Variants in DNAH7 observed in about 807,000 individuals in gnomAD.
DNAH7 encodes dynein axonemal heavy chain 7.
In DNAH7, 397 loss-of-function variants were observed where a neutral mutation model predicts 444.6. The observed-to-expected ratio is 0.89, with a 90% CI of 0.82 to 0.97. The LOEUF (loss-of-function observed/expected upper bound fraction) is 0.97. Ranked by LOEUF, DNAH7 falls within the 50% of genes least tolerant of loss-of-function variation. The pLI, the probability that DNAH7 is intolerant of heterozygous loss-of-function variation, is 0.00. For synonymous variants in DNAH7, 1,636 were observed against 1,624.4 expected (o/e 1.01, Z -0.17); for missense variants, 4,902 against 4,800.8 (o/e 1.02, Z -0.62).
At chr2:195,748,108 C>T (rs1056543178) in intron 63 of DNAH7, among the ~76,000 whole-genome samples, 3 of 152,186 alleles carry the variant, frequency 2.0e-5, no homozygotes, top group African/African-American at 4.8e-5. Context: ...CCCAAAATCT[C>T]CTTAAGCTGA....
intron 47 of DNAH7, among the ~76,000 whole-genome samples, chr2:195,837,326 T>G (rs2124973418): frequency 6.6e-6 from 1 of 152,342 alleles, no homozygotes; most frequent in African/African-American, 2.4e-5. Context: ...AGGAAAGGAC[T>G]TCTGATTCTA....
intron 19 of DNAH7, among the ~76,000 whole-genome samples, chr2:195,941,287 T>A (rs1689419563): frequency 6.6e-6 from 1 of 151,632 alleles, no homozygotes; most frequent in Non-Finnish European, 1.5e-5. Flanking sequence ...AACCAAACAC[T>A]GCATGTTCTC....
intron 36 of DNAH7, among the ~76,000 whole-genome samples, chr2:195,877,845 A>G (rs1200256838): frequency 6.6e-6 from 1 of 152,248 alleles, no homozygotes; most frequent in African/African-American, 2.4e-5. Context: ...AGCACATTCT[A>G]AAATGGAAGT....
chr2:196,040,395 A>G (rs1696664483), intron 5 of DNAH7, among the ~76,000 whole-genome samples: 1 of 152,170 alleles, frequency 6.6e-6, no homozygotes, highest in Admixed American at 6.5e-5. Context: ...AGGGGGATAT[A>G]TTCTAGGAAT....
intron 61 of DNAH7, among the ~76,000 whole-genome samples, chr2:195,761,658 G>C (rs1430568909): frequency 1.3e-5 from 2 of 152,138 alleles, no homozygotes; most frequent in African/African-American, 2.4e-5. Context: ...AAACCTTACA[G>C]GCCATGAGAA....
At position 195,809,792 on chromosome 2, in the gene DNAH7, G is replaced by C. The variant is rs757797326; in HGVS notation, c.9841C>G (p.Leu3281Val). The change falls in exon 52 of 65, where the codon CTC becomes GTC. Residue 3281 changes from leucine to valine, a missense_variant. Coordinates refer to ENST00000312428, the MANE Select transcript of DNAH7 (RefSeq NM_018897.3). ...TTTATGGTTAGACAAAAGGAAAAGA[G>C]CAGCTTATCCTTTTCAAAGAGTGAC... ...CRSLFEKDKL[L>V]FSFCLTINLL... 6.9e-6 allele frequency: 11 copies of C among 1,598,582 alleles called. No individual in the cohort carries two copies. The highest frequency in any genetic ancestry group is 1.7e-4 in the Middle Eastern group (1 of 6,006).
chr2:195,973,651 G>A (rs2125582404), intron 15 of DNAH7, among the ~76,000 whole-genome samples: 1 of 151,980 alleles, frequency 6.6e-6, no homozygotes, highest in Non-Finnish European at 1.5e-5. Flanking sequence ...TTTGTAATTT[G>A]AGTAGAGATG....
intron 5 of DNAH7, among the ~76,000 whole-genome samples, chr2:196,040,918 T>G (rs767341800): frequency 9.9e-5 from 15 of 152,138 alleles, no homozygotes; most frequent in African/African-American, 2.9e-4. Flanking sequence ...CATTTCAATA[T>G]ACCAATAGCA....
intron 14 of DNAH7, among the ~76,000 whole-genome samples, chr2:195,986,406 T>C (rs1239692236): frequency 2.0e-5 from 3 of 152,222 alleles, no homozygotes; most frequent in Non-Finnish European, 4.4e-5. Flanking sequence ...TCTGTTTTTT[T>C]CTCTGATACC....
chr2:195,918,145 A>G (rs1687801729), intron 24 of DNAH7, among the ~76,000 whole-genome samples: 1 of 152,232 alleles, frequency 6.6e-6, no homozygotes, highest in Non-Finnish European at 1.5e-5. Flanking sequence ...CAAACACCTC[A>G]CCAAAAGAGG....
intron 15 of DNAH7, among the ~76,000 whole-genome samples, chr2:195,984,378 T>C (rs892054024): frequency 6.6e-6 from 1 of 152,182 alleles, no homozygotes; most frequent in African/African-American, 2.4e-5. Context: ...AGACAGAGTA[T>C]TGCTGTGTTG....
chr2:195,824,117 T>C (rs2124914561), intron 49 of DNAH7, 138 bp downstream of exon 49: 1 of 687,690 alleles, frequency 1.5e-6, no homozygotes, highest in Non-Finnish European at 2.2e-6. Flanking sequence ...GAAATTATTA[T>C]AGCAATAATT....
chr2:195,980,085 A>AAAAT (rs1559298243), intron 15 of DNAH7, among the ~76,000 whole-genome samples: 5 of 125,800 alleles, frequency 4.0e-5, no homozygotes, highest in Admixed American at 1.6e-4. Context: ...AAAAAAAAAA[A>AAAAT]ACTAGAGGAG....
intron 40 of DNAH7, among the ~76,000 whole-genome samples, chr2:195,870,864 C>T (rs142651829): frequency 4.0e-4 from 61 of 152,264 alleles, no homozygotes; most frequent in African/African-American, 1.4e-3. Context: ...AGTTTAGGTA[C>T]GTTTTATAAC....
intron 5 of DNAH7, among the ~76,000 whole-genome samples, chr2:196,046,614 A>G (rs1264786551): frequency 1.3e-5 from 2 of 152,072 alleles, no homozygotes; most frequent in Non-Finnish European, 2.9e-5. Flanking sequence ...GAAGAAGCAC[A>G]TACGCTCAAC....
chr2:195,826,728 C>G (rs1697774890), intron 48 of DNAH7, among the ~76,000 whole-genome samples: 1 of 152,070 alleles, frequency 6.6e-6, no homozygotes, highest in South Asian at 2.1e-4. Context: ...TGACAACCGT[C>G]AGAAAACCCA....
At chr2:195,744,417 G>T (rs1164788960) in intron 63 of DNAH7, among the ~76,000 whole-genome samples, 1 of 152,192 alleles carries the variant, frequency 6.6e-6, no homozygotes, top group Non-Finnish European at 1.5e-5. Flanking sequence ...ACCTCTGGGG[G>T]CAGGGCACAG....
At position 196,068,833 on chromosome 2, in the gene DNAH7, C is replaced by T; in HGVS notation, c.-122G>A. 4 of 1,286,370 alleles carry T rather than the reference C, an allele frequency of 3.1e-6. No homozygotes were observed. The highest frequency in any genetic ancestry group is 3.2e-6 in the Non-Finnish European group (3 of 940,234). The allele number at this position is 1,286,370 out of a possible 1,614,324, so 79.7% of individuals were successfully genotyped here. ...GTCTCAGCTCCCTCCGCACCAGAGCCGTCTAGCGTCCGGGCAGCGTTTGTT... is the reference window on the plus strand; with the variant it reads ...GTCTCAGCTCCCTCCGCACCAGAGCTGTCTAGCGTCCGGGCAGCGTTTGTT... On this transcript the variant is annotated 5_prime_UTR_variant, in exon 1 of 65. Transcript: ENST00000312428.
chr2:196,007,400 G>A (rs1017004053), intron 10 of DNAH7, among the ~76,000 whole-genome samples: 13 of 152,146 alleles, frequency 8.5e-5, no homozygotes, highest in Non-Finnish European at 1.3e-4. Flanking sequence ...TCCTACCTCA[G>A]ACCATGTATA....
Sources: allele counts gnomAD v4.1 joint callset (sites outside exome capture counted in the v4.1 genomes callset), GRCh38; gene constraint gnomAD v4.1.1; transcripts MANE v1.5; gene names NCBI Gene and HGNC (gene_info 2026-07-23, HGNC 2026-07-21).